Variants in PINX1 observed in about 807,000 individuals in gnomAD.
PINX1 encodes the protein PIN2/TERF1-interacting telomerase inhibitor 1.
A neutral mutation model predicts 25.4 loss-of-function variants in PINX1; 34 were observed. That is an observed-to-expected ratio of 1.34 (90% CI 1.02 to 1.78). The LOEUF is 1.78. PINX1 is among the 40% of genes most tolerant of loss of function. The pLI is 0.00. For missense variants in PINX1, 592 were observed against 404.9 expected (o/e 1.46, Z -3.97); for synonymous variants, 197 against 147.7 (o/e 1.33, Z -2.42).
chr8:10,796,717 C>G (rs10099021), intron 6 of PINX1, among the ~76,000 whole-genome samples: 34,376 of 150,484 alleles, frequency 0.23, 4,082 homozygotes, highest in East Asian at 0.34. Flanking sequence ...CTTTCCTCAA[C>G]TTATACTAAG....
chr8:10,829,412 T>C (rs115959305), intron 4 of PINX1, among the ~76,000 whole-genome samples: 1 of 152,038 alleles, frequency 6.6e-6, no homozygotes, highest in Admixed American at 6.5e-5. Flanking sequence ...AGCCACACTA[T>C]CAGGAGGCTT....
intron 5 of PINX1, 72 bp from the exon 6 acceptor site, chr8:10,820,341 C>T: frequency 1.9e-6 from 2 of 1,031,366 alleles, no homozygotes; most frequent in African/African-American, 1.6e-5. Context: ...ATGAACTATG[C>T]AGCACCTCAA....
intron 6 of PINX1, among the ~76,000 whole-genome samples, chr8:10,817,466 A>G (rs1797732274): frequency 6.6e-6 from 1 of 152,248 alleles, no homozygotes; most frequent in South Asian, 2.1e-4. Context: ...AGGTACCGGT[A>G]TACCTCAATA....
intron 6 of PINX1, among the ~76,000 whole-genome samples, chr8:10,805,697 T>G (rs376609295): frequency 2.1e-3 from 115 of 54,784 alleles, no homozygotes; most frequent in African/African-American, 3.7e-3. Flanking sequence ...TAGTGCTGAG[T>G]GGGTGACGGA....
intron 6 of PINX1, among the ~76,000 whole-genome samples, chr8:10,794,087 G>C (rs970881444): frequency 2.6e-5 from 4 of 152,182 alleles, no homozygotes; most frequent in African/African-American, 9.7e-5. Flanking sequence ...TAGTTGCTAA[G>C]CAGGTGTCGT....
intron 6 of PINX1, among the ~76,000 whole-genome samples, chr8:10,801,980 G>A (rs11987405): frequency 0.019 from 2,942 of 152,182 alleles, 112 homozygotes; most frequent in African/African-American, 0.067. Context: ...CCCCATCCCC[G>A]CAATGGAGAA....
chr8:10,777,383 T>C (rs1233814449), intron 6 of PINX1, among the ~76,000 whole-genome samples: 1 of 152,168 alleles, frequency 6.6e-6, no homozygotes, highest in East Asian at 1.9e-4. Context: ...GATGGCCAGT[T>C]TATGTCTCTT....
chr8:10,776,159 C>G (rs1317840699), intron 6 of PINX1, among the ~76,000 whole-genome samples: 2 of 152,194 alleles, frequency 1.3e-5, no homozygotes, highest in East Asian at 3.9e-4. Flanking sequence ...GGGGCGCTGG[C>G]TCACACCTGT....
At position 10,795,242 on chromosome 8, in the gene PINX1, A is replaced by G. The variant is rs1028997096; in HGVS notation, c.471+24951T>C. Among the ~76,000 whole-genome samples the G allele has an allele frequency of 2.6e-5, 4 of 152,238 alleles. No individual in the cohort carries two copies. The East Asian group carries it at 7.7e-4, about 29-fold the overall frequency. On this transcript the variant is annotated intron_variant, in intron 6 of 6. Coordinates refer to ENST00000314787, the MANE Select transcript of PINX1 (RefSeq NM_017884.6). ...TCAAACCTCTGCCTCTGCCAAGTTC[A>G]GTTCATAGCAATGTCTTTGACCTGG...
In PINX1 at chr8:10,765,480, T is replaced by G. The variant is rs1428894028; in HGVS notation, c.908A>C (p.Gln303Pro). The change falls in exon 7 of 7, where the codon CAA (glutamine) becomes CCA (proline). Residue 303 changes from glutamine to proline, a missense_variant. Physicochemically the swap from Gln to Pro is moderately conservative, Grantham distance 76 (BLOSUM62 -1). Coordinates refer to ENST00000314787, the MANE Select transcript of PINX1 (RefSeq NM_017884.6). ...PKKRRGKKKL[Q>P]KPVEIAEDAT... ...GTCCTCTGCTATCTCTACTGGTTTT[T>G]GCAGCTTTTTCTTCCCTCTCCTCTT... is the stretch of plus-strand genomic sequence containing the variant. 1 of 1,613,558 alleles carries G rather than the reference T, an allele frequency of 6.2e-7. No homozygotes were observed. Among genetic ancestry groups the G allele is most frequent in the South Asian group, 1.1e-5 (1 of 91,090 alleles).
At chr8:10,804,387 G>A (rs1010289531) in intron 6 of PINX1, among the ~76,000 whole-genome samples, 5 of 152,174 alleles carry the variant, frequency 3.3e-5, no homozygotes, top group African/African-American at 7.2e-5. Context: ...GTGACACAGA[G>A]CTGGGTGAGA....
At chr8:10,819,992 T>C (rs79280906) in intron 6 of PINX1, among the ~76,000 whole-genome samples, 1 of 151,426 alleles carries the variant, frequency 6.6e-6, no homozygotes, top group Non-Finnish European at 1.5e-5. Context: ...ACACTTATTC[T>C]TTTTTTTAAA....
intron 6 of PINX1, among the ~76,000 whole-genome samples, chr8:10,792,602 A>C (rs913211651): frequency 1.3e-5 from 2 of 151,556 alleles, no homozygotes; most frequent in Non-Finnish European, 2.9e-5. Context: ...AAACAGAAAT[A>C]CTCTCAGGAA....
chr8:10,796,904 T>A (rs1331919609), intron 6 of PINX1, among the ~76,000 whole-genome samples: 1 of 151,996 alleles, frequency 6.6e-6, no homozygotes, highest in Non-Finnish European at 1.5e-5. Flanking sequence ...ATGACAACTA[T>A]CAGCACTCCC....
rs765877140 is a variant in PINX1 at position 10,839,787 on chromosome 8, G to A, written c.-31C>T. On this transcript the variant is annotated 5_prime_UTR_variant, in exon 1 of 7. Coordinates refer to ENST00000314787, the MANE Select transcript of PINX1 (RefSeq NM_017884.6). ...AGAGCCTGTGATACCGCCGCCTCTG[G>A]ACCTGGGTGACTGCGGCCACTGGGC... 1.9e-6 allele frequency: 3 copies of A among 1,595,236 alleles called. No homozygotes were observed. The highest frequency in any genetic ancestry group is 2.6e-6 in the Non-Finnish European group (3 of 1,169,872).
At chr8:10,785,080 T>G (rs897576908) in intron 6 of PINX1, among the ~76,000 whole-genome samples, 5 of 138,684 alleles carry the variant, frequency 3.6e-5, no homozygotes, top group African/African-American at 1.3e-4. Flanking sequence ...GGAAAAAAAC[T>G]TCTTTTTAGA....
intron 6 of PINX1, among the ~76,000 whole-genome samples, chr8:10,802,508 G>A (rs1802299954): frequency 6.6e-6 from 1 of 152,174 alleles, no homozygotes; most frequent in Non-Finnish European, 1.5e-5. Context: ...TTTTGGGCTT[G>A]CTCCCATTCT....
At chr8:10,824,773 C>T (rs1236308001) in intron 5 of PINX1, among the ~76,000 whole-genome samples, 1 of 152,240 alleles carries the variant, frequency 6.6e-6, no homozygotes, top group East Asian at 1.9e-4. Context: ...CCGAAAGTTA[C>T]AGGTCACTGA....
intron 6 of PINX1, among the ~76,000 whole-genome samples, chr8:10,782,617 T>C (rs1189656745): frequency 1.3e-5 from 2 of 151,988 alleles, no homozygotes; most frequent in Non-Finnish European, 2.9e-5. Context: ...ACGCCTGTAA[T>C]CCCAGCCACT....
Sources: gnomAD v4.1 joint callset for allele counts (sites outside exome capture counted in the v4.1 genomes callset) on GRCh38, gnomAD v4.1.1 for gene constraint, MANE v1.5 for transcripts, NCBI Gene and HGNC (gene_info 2026-07-23, HGNC 2026-07-21) for gene names.